The following STAU2 variants were observed in gnomAD, a reference collection of about 807,000 sequenced individuals.
The protein encoded by STAU2 is double-stranded RNA-binding protein Staufen homolog 2.
In STAU2, 20 loss-of-function variants were observed where a neutral mutation model predicts 65.9. That is an observed-to-expected ratio of 0.30 (90% CI 0.21 to 0.44). The LOEUF (loss-of-function observed/expected upper bound fraction) is 0.44. STAU2 is among the 20% of genes least tolerant of loss of function. The pLI is 1.00. For synonymous variants in STAU2, 232 were observed against 233.9 expected, an observed-to-expected ratio of 0.99 and a Z score of 0.07; for missense variants, 558 against 683.9, an observed-to-expected ratio of 0.82 and a Z score of 2.05.
chr8:73,474,005 G>T (rs1170893186), intron 13 of STAU2, among the ~76,000 whole-genome samples: 2 of 152,330 alleles, frequency 1.3e-5, no homozygotes, highest in East Asian at 3.9e-4. Context: ...TACACTCTGT[G>T]ATCCACATAA....
chr8:73,585,719 T>G (rs1810320192), intron 11 of STAU2, among the ~76,000 whole-genome samples: 1 of 152,228 alleles, frequency 6.6e-6, no homozygotes, highest in African/African-American at 2.4e-5. Context: ...TTTCTTCTAC[T>G]GTACCCCTCA....
chr8:73,580,919 T>C (rs1296850480), intron 12 of STAU2, among the ~76,000 whole-genome samples: 1 of 152,220 alleles, frequency 6.6e-6, no homozygotes, highest in African/African-American at 2.4e-5. Flanking sequence ...ATCTGAACCA[T>C]TGTAGACCAT....
rs371326115 is a variant in STAU2, at chr8:73,469,474, A to T, written c.1531-46772T>A. Among the ~76,000 whole-genome samples, 78 of 10,514 alleles carry T rather than the reference A, an allele frequency of 7.4e-3. 1 individual carries two copies. In the East Asian group the frequency reaches 0.36, roughly 48 times the overall value. The allele number at this position is 10,514 out of a possible 152,430, so 6.9% of individuals were successfully genotyped here. On this transcript the variant is annotated intron_variant, in intron 13 of 14. Transcript: ENST00000524300. Reference sequence around the variant, plus strand: ...TATAATAAAATATATATATATATTTAAAAAAAAAAAAAGAAAGTGTGTCTG... The same window carrying T: ...TATAATAAAATATATATATATATTTTAAAAAAAAAAAAGAAAGTGTGTCTG...
chr8:73,704,119 C>T (rs142738088), intron 4 of STAU2, among the ~76,000 whole-genome samples: 176 of 152,306 alleles, frequency 1.2e-3, no homozygotes, highest in African/African-American at 4.1e-3. Context: ...GCACATCCTA[C>T]AGCTCAAAAT....
chr8:73,582,855 A>C (rs1415769003), intron 11 of STAU2, 25 bp from the exon 12 acceptor site: 1 of 1,600,314 alleles, frequency 6.2e-7, no homozygotes, highest in Non-Finnish European at 8.5e-7. Context: ...CAATCGTTCA[A>C]ATCCAGAGAA....
At chr8:73,485,037 C>A (rs1168420901) in intron 13 of STAU2, among the ~76,000 whole-genome samples, 1 of 151,932 alleles carries the variant, frequency 6.6e-6, no homozygotes, top group Non-Finnish European at 1.5e-5. Context: ...CCCAGAACAG[C>A]CCCTGTTGTT....
At chr8:73,536,582 A>T (rs1161820199) in intron 13 of STAU2, among the ~76,000 whole-genome samples, 2 of 152,104 alleles carry the variant, frequency 1.3e-5, no homozygotes, top group Non-Finnish European at 1.5e-5. Flanking sequence ...GAGAAGGCCA[A>T]ATGGGGAGTT....
chr8:73,459,897 G>T (rs1433917592), intron 13 of STAU2, among the ~76,000 whole-genome samples: 3 of 152,116 alleles, frequency 2.0e-5, no homozygotes, highest in Non-Finnish European at 4.4e-5. Flanking sequence ...TATCGGGCAC[G>T]GCTCCTTTGA....
chr8:73,436,269 A>G (rs1240388165), intron 13 of STAU2, among the ~76,000 whole-genome samples: 3 of 151,708 alleles, frequency 2.0e-5, no homozygotes, highest in African/African-American at 7.3e-5. Flanking sequence ...AAAAGATGGT[A>G]AAGGCAGTTT....
chr8:73,424,500 C>G (rs1007301387), intron 13 of STAU2, among the ~76,000 whole-genome samples: 9 of 152,022 alleles, frequency 5.9e-5, no homozygotes, highest in African/African-American at 2.2e-4. Context: ...TGCACCCGGC[C>G]CCTCTTTTTG....
At position 73,738,329 on chromosome 8, in the gene STAU2, T is replaced by TA; in HGVS notation, c.-64dup. On this transcript the variant is annotated 5_prime_UTR_variant, in exon 3 of 15. Transcript: ENST00000524300. Reference sequence around the variant, plus strand: ...TAAGACAATATTGACCAAACTGCTGTATCCCTCACGGCTCCAAAAACTGGA... The same window carrying TA: ...TAAGACAATATTGACCAAACTGCTGTAATCCCTCACGGCTCCAAAAACTGGA... The TA allele has an allele frequency of 6.3e-7, 1 of 1,597,532 alleles. No individual in the cohort carries two copies. Among genetic ancestry groups the TA allele is most frequent in the African/African-American group, 1.4e-5 (1 of 73,986 alleles).
At chr8:73,635,118 C>T (rs1355423330) in intron 6 of STAU2, among the ~76,000 whole-genome samples, 1 of 152,162 alleles carries the variant, frequency 6.6e-6, no homozygotes, top group African/African-American at 2.4e-5. Flanking sequence ...GAATACAGGA[C>T]TAAGAAGTTA....
At chr8:73,704,904 TA>T (rs1230742788) in intron 4 of STAU2, among the ~76,000 whole-genome samples, 1 of 152,144 alleles carries the variant, frequency 6.6e-6, no homozygotes, top group Non-Finnish European at 1.5e-5. Context: ...CCTGATCTCA[TA>T]ATCTGCCCAC....
intron 2 of STAU2, 66 bp downstream of exon 2, chr8:73,739,689 GC>G (rs1226153624): frequency 2.4e-6 from 3 of 1,264,350 alleles, no homozygotes; most frequent in Non-Finnish European, 3.1e-6. Context: ...AGAACGGGAT[GC>G]TGTATAAAGA....
chr8:73,441,800 T>C (rs1585762925), intron 13 of STAU2, among the ~76,000 whole-genome samples: 1 of 152,252 alleles, frequency 6.6e-6, no homozygotes. Flanking sequence ...TGCTGAATGT[T>C]GGCCGTTCAA....
chr8:73,438,997 A>G, intron 13 of STAU2: 2 of 456,710 alleles, frequency 4.4e-6, no homozygotes, highest in South Asian at 3.1e-5. Flanking sequence ...CTGGTTCCTC[A>G]ACGTCTCCGT....
At chr8:73,490,989 G>A (rs7832253) in intron 13 of STAU2, among the ~76,000 whole-genome samples, 58,509 of 151,498 alleles carry the variant, frequency 0.39, 12,846 homozygotes, top group Non-Finnish European at 0.49. Flanking sequence ...AGAAATTCAT[G>A]GTATAGTTTA....
intron 1 of STAU2, among the ~76,000 whole-genome samples, chr8:73,745,367 A>T (rs1168055458): frequency 2.0e-5 from 3 of 152,222 alleles, no homozygotes; most frequent in Admixed American, 6.5e-5. Flanking sequence ...ACCGCAGCTG[A>T]GTTCACAACA....
Position 73,746,787 on chromosome 8 carries a change from T to C in STAU2, c.-201A>G, listed in dbSNP as rs190921391. ...GCCCCCGATGAGGGTATTTACCTTC[T>C]TGCCGGGGACACTTTGCAGACGGCT... On this transcript the variant is annotated 5_prime_UTR_variant, in exon 1 of 15. Coordinates refer to ENST00000524300, the MANE Select transcript of STAU2 (RefSeq NM_001164380.2). 1.3e-3 allele frequency: 1,612 copies of C among 1,229,998 alleles called. 49 individuals carry two copies. The East Asian group carries it at 0.042, about 32-fold the overall frequency. The allele number at this position is 1,229,998 out of a possible 1,614,324, so 76.2% of individuals were successfully genotyped here.
Sources: allele counts gnomAD v4.1 joint callset (sites outside exome capture counted in the v4.1 genomes callset), GRCh38; gene constraint gnomAD v4.1.1; transcripts MANE v1.5; gene names NCBI Gene and HGNC (gene_info 2026-07-23, HGNC 2026-07-21).